CSMD3: variants seen among roughly 807,000 people sequenced by gnomAD.
The protein encoded by CSMD3 is CUB and sushi domain-containing protein 3.
In CSMD3, 177 loss-of-function variants were observed where a neutral mutation model predicts 435.2. The observed-to-expected ratio is 0.41, with a 90% CI of 0.36 to 0.46. The LOEUF (loss-of-function observed/expected upper bound fraction) is 0.46, where lower values mean the gene tolerates loss of function less well. Ranked by LOEUF, CSMD3 falls within the 20% of genes least tolerant of loss-of-function variation. The probability of loss-of-function intolerance (pLI) is 0.34; values close to 1 mark genes in which losing one functional copy is unlikely to be tolerated. For synonymous variants in CSMD3, 1,656 were observed against 1,520.5 expected, an observed-to-expected ratio of 1.09 and a Z score of -2.07; for missense variants, 4,265 against 4,504.6, an observed-to-expected ratio of 0.95 and a Z score of 1.52.
In CSMD3 at chr8:112,311,045, G is replaced by A. The variant is rs997945495; in HGVS notation, c.7818C>T (p.Ser2606=). 6.2e-7 allele frequency: 1 copy of A among 1,613,952 alleles called. No individual in the cohort carries two copies. The highest frequency in any genetic ancestry group is 1.3e-5 in the African/African-American group (1 of 74,892). The stretch of plus-strand genomic sequence containing the variant: ...AGGAAGACTTTCTGCACACAGCACT[G>A]CTTTTTCCAACAAGTCGGAATCCTC... ...CDRGFRLVGK[S]SAVCRKSSYG... The change falls in exon 50 of 71, where the codon AGC becomes AGT. Residue 2606 remains serine (S), a synonymous_variant. Coordinates refer to ENST00000297405, the MANE Select transcript of CSMD3 (RefSeq NM_198123.2).
intron 10 of CSMD3, among the ~76,000 whole-genome samples, chr8:112,903,545 T>C (rs2082167178): frequency 6.6e-6 from 1 of 151,116 alleles, no homozygotes; most frequent in African/African-American, 2.4e-5. Context: ...TCAGGGAGTA[T>C]GGGGAAGGGA....
At chr8:113,342,335 T>C (rs1021542345) in intron 1 of CSMD3, among the ~76,000 whole-genome samples, 6 of 152,136 alleles carry the variant, frequency 3.9e-5, no homozygotes, top group Admixed American at 1.3e-4. Flanking sequence ...TTCAAAAGTA[T>C]AGAAATACTA....
chr8:113,251,363 A>T (rs907837755), intron 3 of CSMD3, among the ~76,000 whole-genome samples: 1 of 152,094 alleles, frequency 6.6e-6, no homozygotes, highest in Non-Finnish European at 1.5e-5. Context: ...TGTGACCTAA[A>T]TCTCATACTG....
intron 11 of CSMD3, among the ~76,000 whole-genome samples, chr8:112,857,954 C>T (rs1039394229): frequency 6.6e-6 from 1 of 151,470 alleles, no homozygotes; most frequent in Non-Finnish European, 1.5e-5. Flanking sequence ...CTTCATGCAA[C>T]TGAGGGGTTT....
intron 22 of CSMD3, among the ~76,000 whole-genome samples, chr8:112,625,526 C>T (rs1219502531): frequency 6.6e-6 from 1 of 152,036 alleles, no homozygotes; most frequent in African/African-American, 2.4e-5. Flanking sequence ...AACAAAACAT[C>T]AACTAGTTCA....
At chr8:112,545,510 T>TAAAAAAAAAAA (rs1366394749) in intron 27 of CSMD3, among the ~76,000 whole-genome samples, 1 of 85,738 alleles carries the variant, frequency 1.2e-5, no homozygotes, top group African/African-American at 4.6e-5. Flanking sequence ...AAAATAATAA[T>TAAAAAAAAAAA]AATAATAATA....
At chr8:112,816,086 G>C (rs938124478) in intron 12 of CSMD3, among the ~76,000 whole-genome samples, 2 of 152,108 alleles carry the variant, frequency 1.3e-5, no homozygotes, top group African/African-American at 4.8e-5. Flanking sequence ...ACAGCTCATG[G>C]CATATCTACA....
intron 30 of CSMD3, among the ~76,000 whole-genome samples, chr8:112,499,357 A>G (rs1343561323): frequency 6.6e-6 from 1 of 152,146 alleles, no homozygotes; most frequent in African/African-American, 2.4e-5. Context: ...CAAATTAAGA[A>G]TAGTAGATTT....
chr8:112,867,671 A>C (rs2081021897), intron 10 of CSMD3, among the ~76,000 whole-genome samples: 1 of 152,162 alleles, frequency 6.6e-6, no homozygotes, highest in Non-Finnish European at 1.5e-5. Flanking sequence ...TTGTGTATCT[A>C]AACATATCTA....
intron 1 of CSMD3, among the ~76,000 whole-genome samples, chr8:113,400,498 T>C (rs2133200061): frequency 6.6e-6 from 1 of 152,140 alleles, no homozygotes; most frequent in African/African-American, 2.4e-5. Context: ...TTAATATATT[T>C]TGGACACTAC....
At chr8:112,684,215 A>C (rs945216372) in intron 15 of CSMD3, among the ~76,000 whole-genome samples, 1 of 152,058 alleles carries the variant, frequency 6.6e-6, no homozygotes, top group Non-Finnish European at 1.5e-5. Context: ...AGACATGTAC[A>C]TGAAGTATTT....
At chr8:112,505,685 T>C (rs894652565) in intron 29 of CSMD3, among the ~76,000 whole-genome samples, 2 of 152,120 alleles carry the variant, frequency 1.3e-5, no homozygotes, top group Non-Finnish European at 2.9e-5. Context: ...ATTACGTTTT[T>C]TTTCTGAAAA....
chr8:112,355,435 T>G (rs1826503424), intron 38 of CSMD3, among the ~76,000 whole-genome samples: 1 of 152,202 alleles, frequency 6.6e-6, no homozygotes, highest in Admixed American at 6.5e-5. Flanking sequence ...GGAGAAAATG[T>G]TCATAATGGG....
At chr8:112,758,047 C>T (rs940610988) in intron 13 of CSMD3, among the ~76,000 whole-genome samples, 1 of 151,796 alleles carries the variant, frequency 6.6e-6, no homozygotes, top group East Asian at 1.9e-4. Flanking sequence ...TGGCATGAAA[C>T]TCCATCTCAA....
chr8:112,579,782 A>T (rs1830211188), intron 23 of CSMD3, among the ~76,000 whole-genome samples: 1 of 152,046 alleles, frequency 6.6e-6, no homozygotes, highest in Admixed American at 6.6e-5. Context: ...CTCTACAAGA[A>T]TGTTATTAAT....
intron 13 of CSMD3, among the ~76,000 whole-genome samples, chr8:112,702,791 G>A (rs1008967381): frequency 2.6e-5 from 4 of 152,058 alleles, no homozygotes; most frequent in Non-Finnish European, 5.9e-5. Flanking sequence ...TGTGATGGCT[G>A]TGTCCTGTTA....
chr8:112,606,268 G>T (rs936938414), intron 22 of CSMD3, among the ~76,000 whole-genome samples: 1 of 152,166 alleles, frequency 6.6e-6, no homozygotes, highest in African/African-American at 2.4e-5. Context: ...TAAAGGCATA[G>T]TGACTGAGTG....
At chr8:113,368,883 T>C (rs1037008356) in intron 1 of CSMD3, among the ~76,000 whole-genome samples, 1 of 152,098 alleles carries the variant, frequency 6.6e-6, no homozygotes, top group African/African-American at 2.4e-5. Flanking sequence ...GGGGAAAATA[T>C]CTGCAATTGC....
rs1818614239 is a variant in CSMD3 at position 112,281,332 on chromosome 8, G to A, written c.9350C>T (p.Pro3117Leu). The change falls in exon 59 of 71, where the codon CCA (proline) becomes CTA (leucine). Residue 3117 changes from proline (P) to leucine (L), a missense_variant. Transcript: ENST00000297405. Reference sequence around the variant, plus strand: ...GACTTTCCCATTGGCTGTGGTTCCTGGGTTACCACACTGCACAGCTATAAA... The same window carrying A: ...GACTTTCCCATTGGCTGTGGTTCCTAGGTTACCACACTGCACAGCTATAAA... Reference protein sequence around the residue: ...PECKAVQCGNPGTTANGKVFR... With the variant: ...PECKAVQCGNLGTTANGKVFR... 3 of 1,612,704 alleles carry A rather than the reference G, an allele frequency of 1.9e-6. No homozygotes were observed. The highest frequency in any genetic ancestry group is 2.5e-6 in the Non-Finnish European group (3 of 1,179,064).
Sources: gnomAD v4.1 joint callset for allele counts (sites outside exome capture counted in the v4.1 genomes callset) on GRCh38, gnomAD v4.1.1 for gene constraint, MANE v1.5 for transcripts, NCBI Gene and HGNC (gene_info 2026-07-23, HGNC 2026-07-21) for gene names.